The following KRIT1 variants were observed in gnomAD, a reference collection of about 807,000 sequenced individuals.
KRIT1 encodes the protein KRIT1 ankyrin repeat containing.
Under a neutral mutation model 95.8 loss-of-function variants are expected in KRIT1, and 45 were observed. The observed-to-expected ratio is 0.47, with a 90% CI of 0.37 to 0.60. The LOEUF (loss-of-function observed/expected upper bound fraction) is 0.60, where lower values mean the gene tolerates loss of function less well. Ranked by LOEUF, KRIT1 falls within the 20% of genes least tolerant of loss-of-function variation. The pLI, the probability that KRIT1 is intolerant of heterozygous loss-of-function variation, is 0.00. For synonymous variants in KRIT1, 282 were observed against 278.8 expected (o/e 1.01, Z -0.11); for missense variants, 788 against 877.5 (o/e 0.90, Z 1.29).
intron 16 of KRIT1, 89 bp from the exon 17 acceptor site, chr7:92,213,490 C>T (rs1793322019): frequency 1.2e-6 from 1 of 843,142 alleles, no homozygotes; most frequent in African/African-American, 1.7e-5. Flanking sequence ...TAAGCAGTTT[C>T]TAAAATCAAG....
intron 18 of KRIT1, 45 bp downstream of exon 18, chr7:92,201,262 T>C: frequency 1.1e-6 from 1 of 905,000 alleles, no homozygotes; most frequent in Non-Finnish European, 1.9e-6. Context: ...AGAAGTAACT[T>C]TACTAACACA....
chr7:92,206,169 A>C (rs911274845), intron 17 of KRIT1: 1 of 152,900 alleles, frequency 6.5e-6, no homozygotes, highest in Admixed American at 6.5e-5. Flanking sequence ...GACTGACTCA[A>C]CTAGCACGCT....
In KRIT1 at chr7:92,200,740, G is replaced by A. The variant is rs151059782; in HGVS notation, c.2207C>T (p.Ser736Leu). 1.5e-4 allele frequency: 244 copies of A among 1,593,020 alleles called. No individual in the cohort carries two copies. The African/African-American group carries it at 2.7e-3, about 18-fold the overall frequency. ...TGAGTAACAGTTACTTCTCTTTCAT[G>A]AATTTCTTTCAGTGGGCATTAACTG... ...NGQLMPTERN[S>L] Residue 736 changes from serine (S) to leucine (L), a missense_variant, in exon 19 of 19, where the codon TCA (serine) becomes TTA (leucine). Coordinates refer to ENST00000394505, the MANE Select transcript of KRIT1 (RefSeq NM_194454.3).
At position 92,200,883 on chromosome 7, in the gene KRIT1, CCTAT is replaced by C; in HGVS notation, c.2143-83_2143-80del. The C allele has an allele frequency of 3.1e-6, 3 of 982,960 alleles. No homozygotes were observed. In the East Asian group the frequency reaches 7.7e-5, roughly 25 times the overall value. 60.9% of individuals were successfully genotyped at this position (982,960 alleles called of 1,614,324 possible). A position where few individuals can be genotyped will look rare whatever the true frequency, so the allele number is the denominator to read the frequency against. ...GGACATTCATGACATTGGGCAGTTC[CCTAT>C]CTATTTGAAAGGGAACTTTCTTATC... On this transcript the variant is annotated intron_variant, in intron 18 of 18. Transcript: ENST00000394505.
intron 18 of KRIT1, among the ~76,000 whole-genome samples, chr7:92,201,005 G>A (rs1040091913): frequency 1.4e-4 from 21 of 152,116 alleles, no homozygotes; most frequent in African/African-American, 4.8e-4. Flanking sequence ...TACAGCTAGG[G>A]GGCACAGGTA....
intron 5 of KRIT1, among the ~76,000 whole-genome samples, chr7:92,238,799 C>T (rs1293149645): frequency 2.0e-5 from 3 of 152,208 alleles, no homozygotes; most frequent in African/African-American, 7.2e-5. Context: ...GTCCTAATTC[C>T]TCTACCAATG....
rs1263283249 is a variant in KRIT1 at position 92,232,952 on chromosome 7, C to T, written c.989+1497G>A. Among the ~76,000 whole-genome samples the T allele has an allele frequency of 3.9e-5, 6 of 152,126 alleles. No homozygotes were observed. The East Asian group carries it at 9.6e-4, about 24-fold the overall frequency. On this transcript the variant is annotated intron_variant, in intron 10 of 18. Coordinates refer to ENST00000394505, the MANE Select transcript of KRIT1 (RefSeq NM_194454.3). Reference sequence around the variant, plus strand: ...TCGTGATCCGCCCACCTTGGCCTCCCAAAGTGCTGGGATTACAGGTGTGAG... The same window carrying T: ...TCGTGATCCGCCCACCTTGGCCTCCTAAAGTGCTGGGATTACAGGTGTGAG...
rs1487930344 is a variant in KRIT1 at position 92,201,361 on chromosome 7, A to G, written c.2088T>C (p.Cys696=). 1 of 1,600,702 alleles carries G rather than the reference A, an allele frequency of 6.2e-7. No individual in the cohort carries two copies. The highest frequency in any genetic ancestry group is 1.1e-5 in the South Asian group (1 of 90,812). The part of the protein sequence containing the change: ...FMWQLGDTDT[C]FQIHSMENKM... ...TATTTTCCATGCTATGGATCTGAAAACAAGTATCAGTATCTCCCAATTGCC... is the reference window on the plus strand; with the variant it reads ...TATTTTCCATGCTATGGATCTGAAAGCAAGTATCAGTATCTCCCAATTGCC... The change falls in exon 18 of 19, where the codon TGT becomes TGC. Residue 696 remains cysteine, a synonymous_variant. Transcript: ENST00000394505.
rs1584875048 is a variant in KRIT1, at chr7:92,222,167, T to C, written c.1412-114A>G. ...CTGTACTGAATACTCACAAATTAAA[T>C]TTAAATCTAAAATTAACATTTTAAT... is the stretch of plus-strand genomic sequence containing the variant. On this transcript the variant is annotated intron_variant, in intron 13 of 18. Transcript: ENST00000394505. 8 of 773,868 alleles carry C rather than the reference T, an allele frequency of 1.0e-5. No individual in the cohort carries two copies. In the East Asian group the frequency reaches 1.9e-4, roughly 18 times the overall value. The allele number at this position is 773,868 out of a possible 1,614,324, so 47.9% of individuals were successfully genotyped here.
chr7:92,241,017 A>G lies in KRIT1; in HGVS notation c.238T>C (p.Ser80Pro). The change falls in exon 5 of 19, where the codon TCT (serine) becomes CCT (proline). Residue 80 changes from serine to proline, a missense_variant. Ser to Pro is a moderately conservative substitution (Grantham distance 74). Coordinates refer to ENST00000394505, the MANE Select transcript of KRIT1 (RefSeq NM_194454.3). ...DYVVETTKPI[S>P]PANQGIRGKR... The stretch of plus-strand genomic sequence containing the variant: ...CCTCTGATACCCTGGTTTGCAGGAG[A>G]AATTGGTTTGGTGGTTTCTACTACG... The G allele has an allele frequency of 6.2e-7, 1 of 1,612,732 alleles. No homozygotes were observed. The highest frequency in any genetic ancestry group is 8.5e-7 in the Non-Finnish European group (1 of 1,178,754).
Position 92,235,618 on chromosome 7 carries a change from G to T in KRIT1, c.514C>A (p.His172Asn). The T allele has an allele frequency of 6.2e-7, 1 of 1,613,834 alleles. No individual in the cohort carries two copies. ...GGTCGGAATAAAGCTGGAATAAAGT[G>T]AGATTGTGCATGACGTTCATCTAAC... ...KWLDERHAQS[H>N]FIPALFRPSP... The change falls in exon 8 of 19, where the codon CAC becomes AAC. Residue 172 changes from histidine to asparagine, a missense_variant. Physicochemically the swap from His to Asn is moderately conservative, Grantham distance 68. Coordinates refer to ENST00000394505, the MANE Select transcript of KRIT1 (RefSeq NM_194454.3).
At chr7:92,229,673 A>G (rs1459529050) in intron 10 of KRIT1, among the ~76,000 whole-genome samples, 1 of 152,172 alleles carries the variant, frequency 6.6e-6, no homozygotes, top group African/African-American at 2.4e-5. Flanking sequence ...ACGGTTTAAA[A>G]TCTATCTTCT....
intron 17 of KRIT1, 58 bp downstream of exon 17, chr7:92,213,137 G>A (rs960714114): frequency 8.9e-7 from 1 of 1,121,878 alleles, no homozygotes; most frequent in African/African-American, 1.5e-5. Flanking sequence ...CATGTAGGTT[G>A]GTACTGTTGT....
intron 5 of KRIT1, among the ~76,000 whole-genome samples, chr7:92,239,609 C>T (rs1799167470): frequency 6.6e-6 from 1 of 151,844 alleles, no homozygotes; most frequent in Admixed American, 6.6e-5. Context: ...GCTAAGATTG[C>T]TTTCCTGATC....
chr7:92,234,540 C>G lies in KRIT1; in HGVS notation c.898G>C (p.Asp300His). 1.9e-6 allele frequency: 3 copies of G among 1,613,116 alleles called. No individual in the cohort carries two copies. The highest frequency in any genetic ancestry group is 1.7e-6 in the Non-Finnish European group (2 of 1,179,068). Residue 300 changes from aspartate to histidine, a missense_variant, in exon 10 of 19, where the codon GAT becomes CAT. Asp to His is a moderately conservative substitution (Grantham distance 81, BLOSUM62 -1). This residue lies in a region of KRIT1 where 493 missense variants were observed against 582.3 expected (regional missense o/e 0.85). Coordinates refer to ENST00000394505, the MANE Select transcript of KRIT1 (RefSeq NM_194454.3). ...AGAAGACGGCTTAGTAATTCTGAAT[C>G]TCCTTCACAGGCGCTTCGGTGGAGA... ...FPLHRSACEG[D>H]SELLSRLLSE...
At chr7:92,217,989 C>T (rs535443380) in intron 14 of KRIT1, among the ~76,000 whole-genome samples, 1 of 152,050 alleles carries the variant, frequency 6.6e-6, no homozygotes, top group Non-Finnish European at 1.5e-5. Context: ...TTTGCATTTC[C>T]CTAATAACTA....
intron 10 of KRIT1, among the ~76,000 whole-genome samples, chr7:92,233,848 A>G (rs1797845955): frequency 6.6e-6 from 1 of 152,198 alleles, no homozygotes; most frequent in East Asian, 1.9e-4. Context: ...CTAAACACTA[A>G]CAACTCAGCC....
intron 3 of KRIT1, 55 bp from the exon 4 acceptor site, chr7:92,242,192 C>A: frequency 2.0e-6 from 2 of 986,320 alleles, no homozygotes; most frequent in Non-Finnish European, 3.2e-6. Context: ...CATTTGATGG[C>A]AAGATAAAAA....
At position 92,222,053 on chromosome 7, in the gene KRIT1, C is replaced by T; in HGVS notation, c.1412G>A (p.Ser471Asn). 1 of 1,611,010 alleles carries T rather than the reference C, an allele frequency of 6.2e-7. No homozygotes were observed. The highest frequency in any genetic ancestry group is 8.5e-7 in the Non-Finnish European group (1 of 1,177,348). Residue 471 changes from serine to asparagine, a missense_variant and splice_region_variant, in exon 14 of 19, where the codon AGC (serine) becomes AAC (asparagine). Transcript: ENST00000394505. ...FTIWICSENL[S>N]LQLKPYHKPL... ...TTTATGATATGGTTTGAGTTGAAGG[C>T]CTGAAAAACATCATTCCTTTTATAA...
Sources: gnomAD v4.1 joint callset for allele counts (sites outside exome capture counted in the v4.1 genomes callset) on GRCh38, gnomAD v4.1.1 for gene constraint, gnomAD v4.1.1 regional missense constraint, MANE v1.5 for transcripts, NCBI Gene and HGNC (gene_info 2026-07-23, HGNC 2026-07-21) for gene names.